The following DARS1 variants were observed in gnomAD, a reference collection of about 807,000 sequenced individuals.
DARS1 encodes the protein aspartate--tRNA ligase, cytoplasmic.
A neutral mutation model predicts 68.8 loss-of-function variants in DARS1; 51 were observed. The observed-to-expected ratio is 0.74, with a 90% CI of 0.59 to 0.94. DARS1 has a LOEUF of 0.94. DARS1 is among the 40% of genes least tolerant of loss of function. DARS1 has a pLI of 0.00. For missense variants in DARS1, 607 were observed against 597.3 expected (o/e 1.02, Z -0.17); for synonymous variants, 203 against 190.4 (o/e 1.07, Z -0.55).
chr2:135,960,889 C>T (rs1452457962), intron 4 of DARS1, among the ~76,000 whole-genome samples: 1 of 152,140 alleles, frequency 6.6e-6, no homozygotes, highest in Admixed American at 6.6e-5. Context: ...CAAGTTTTAC[C>T]TTTTTTCTCC....
chr2:135,942,358 C>T (rs1484278334), intron 5 of DARS1, among the ~76,000 whole-genome samples: 9 of 151,896 alleles, frequency 5.9e-5, no homozygotes, highest in Admixed American at 1.3e-4. Flanking sequence ...TTTGTAGGGA[C>T]GTGGATGAAG....
chr2:135,910,514 TAGGTA>T (rs1680873691), intron 15 of DARS1, among the ~76,000 whole-genome samples: 2 of 152,148 alleles, frequency 1.3e-5, no homozygotes, highest in African/African-American at 4.8e-5. Context: ...TATATGATGT[TAGGTA>T]AGGGTCTAAT....
chr2:135,960,167 C>T (rs554019817), intron 4 of DARS1, among the ~76,000 whole-genome samples: 5 of 152,164 alleles, frequency 3.3e-5, no homozygotes, highest in South Asian at 2.1e-4. Context: ...AGAAGACACA[C>T]GTAGAAGAAA....
At chr2:135,982,000 T>C (rs577997143) in intron 2 of DARS1, among the ~76,000 whole-genome samples, 1 of 152,248 alleles carries the variant, frequency 6.6e-6, no homozygotes, top group South Asian at 2.1e-4. Flanking sequence ...ATGTGGCAAA[T>C]CAAATATAAC....
chr2:135,982,529 G>C (rs1485940661), intron 2 of DARS1, among the ~76,000 whole-genome samples: 1 of 151,364 alleles, frequency 6.6e-6, no homozygotes, highest in East Asian at 1.9e-4. Context: ...TTGGGAGGCG[G>C]AAGTTGAAGT....
chr2:135,928,296 A>T (rs562072416), intron 7 of DARS1, among the ~76,000 whole-genome samples: 1 of 152,312 alleles, frequency 6.6e-6, no homozygotes, highest in East Asian at 1.9e-4. Context: ...AGGGGTCAGG[A>T]GAGATAGTAG....
Position 135,969,252 on chromosome 2 carries a change from T to C in DARS1, c.218-7754A>G, listed in dbSNP as rs143766505. ...TATTTTAAAAAGTTGAAAAATAATA[T>C]GTAAAGTATAACAAGACATATTAAA... On this transcript the variant is annotated intron_variant, in intron 3 of 15. Coordinates refer to ENST00000264161, the MANE Select transcript of DARS1 (RefSeq NM_001349.4). Among the ~76,000 whole-genome samples, 488 of 152,238 alleles carry C rather than the reference T, an allele frequency of 3.2e-3. 4 individuals carry two copies. Among genetic ancestry groups the C allele is most frequent in the South Asian group, 0.028 (134 of 4,826 alleles).
At chr2:135,949,371 CA>C (rs1397429485) in intron 4 of DARS1, among the ~76,000 whole-genome samples, 4 of 151,910 alleles carry the variant, frequency 2.6e-5, no homozygotes, top group Admixed American at 2.6e-4. Flanking sequence ...AACACTTAAC[CA>C]AAACTAACAC....
intron 4 of DARS1, among the ~76,000 whole-genome samples, chr2:135,947,612 G>A (rs1214699517): frequency 1.3e-5 from 2 of 151,876 alleles, no homozygotes; most frequent in Non-Finnish European, 2.9e-5. Flanking sequence ...TTACAGATGA[G>A]AAAACTGAGA....
intron 3 of DARS1, among the ~76,000 whole-genome samples, chr2:135,976,273 C>T (rs1373997951): frequency 6.6e-6 from 1 of 152,092 alleles, no homozygotes; most frequent in Non-Finnish European, 1.5e-5. Flanking sequence ...ACACTTTCTG[C>T]TTTATTCTTT....
At chr2:135,930,070 G>A (rs538300243) in intron 7 of DARS1, among the ~76,000 whole-genome samples, 91 of 152,248 alleles carry the variant, frequency 6.0e-4, no homozygotes, top group Admixed American at 1.5e-3. Context: ...TGAAGACAAA[G>A]GTGACAAATT....
intron 7 of DARS1, among the ~76,000 whole-genome samples, 166 bp from the exon 8 acceptor site, chr2:135,924,664 G>T (rs986867976): frequency 6.6e-6 from 1 of 152,158 alleles, no homozygotes; most frequent in Non-Finnish European, 1.5e-5. Context: ...AGGCAAAAAG[G>T]CATGCTGGAA....
At chr2:135,977,806 A>G (rs1003710597) in intron 3 of DARS1, among the ~76,000 whole-genome samples, 1 of 152,222 alleles carries the variant, frequency 6.6e-6, no homozygotes, top group African/African-American at 2.4e-5. Context: ...AATAATGGGC[A>G]TGTATTAATT....
intron 2 of DARS1, among the ~76,000 whole-genome samples, chr2:135,981,674 C>CTTTTTTTTTT (rs1312008531): frequency 5.7e-5 from 8 of 140,564 alleles, no homozygotes; most frequent in Admixed American, 2.8e-4. Context: ...GAAATTTTGG[C>CTTTTTTTTTT]TTTTTTTTTT....
chr2:135,922,800 A>C lies in DARS1; in HGVS notation c.795T>G (p.Val265=), dbSNP rs201733718. 4 of 1,569,644 alleles carry C rather than the reference A, an allele frequency of 2.5e-6. No individual in the cohort carries two copies. Among genetic ancestry groups the C allele is most frequent in the Non-Finnish European group, 3.4e-6 (4 of 1,162,132 alleles). ...QMCICADFEK[V]FSIGPVFRAE... ...AAATCTTACCTGGTCCAATAGAGAA[A>C]ACCTTCTCAAAATCAGCACAAATGC... is the stretch of plus-strand genomic sequence containing the variant. Residue 265 remains valine, a synonymous_variant, in exon 9 of 16, where the codon GTT becomes GTG. Transcript: ENST00000264161.
chr2:135,940,670 C>G (rs1014829533), intron 5 of DARS1, among the ~76,000 whole-genome samples: 1 of 152,104 alleles, frequency 6.6e-6, no homozygotes, highest in Non-Finnish European at 1.5e-5. Context: ...GGCAATCAGG[C>G]ACGAGAAAGG....
At chr2:135,979,944 T>C (rs1172118633) in intron 2 of DARS1, among the ~76,000 whole-genome samples, 2 of 152,214 alleles carry the variant, frequency 1.3e-5, no homozygotes, top group East Asian at 1.9e-4. Flanking sequence ...CTCTCTTTCC[T>C]GGGATTGCTG....
At chr2:135,959,211 G>C (rs139754155) in intron 4 of DARS1, among the ~76,000 whole-genome samples, 2 of 151,646 alleles carry the variant, frequency 1.3e-5, no homozygotes, top group Non-Finnish European at 2.9e-5. Context: ...GACCAACATG[G>C]AGAAACCTCG....
intron 10 of DARS1, among the ~76,000 whole-genome samples, chr2:135,919,057 A>C (rs1681059775): frequency 6.6e-6 from 1 of 152,192 alleles, no homozygotes; most frequent in Admixed American, 6.5e-5. Flanking sequence ...TTTGAGACAG[A>C]GTCTTGCTCT....
Sources: allele counts gnomAD v4.1 joint callset (sites outside exome capture counted in the v4.1 genomes callset), GRCh38; gene constraint gnomAD v4.1.1; transcripts MANE v1.5; gene names NCBI Gene and HGNC (gene_info 2026-07-23, HGNC 2026-07-21).